METTL15: variants seen among roughly 807,000 people sequenced by gnomAD.
METTL15 encodes the protein 12S rRNA N(4)-cytidine methyltransferase METTL15.
METTL15 carries 34 observed loss-of-function variants against 38.3 expected under a neutral mutation model. That is an observed-to-expected ratio of 0.89 (90% CI 0.68 to 1.18). The LOEUF is 1.18. METTL15 is among the 50% of genes most tolerant of loss of function. METTL15 has a pLI of 0.00. For synonymous variants in METTL15, 162 were observed against 170.9 expected (o/e 0.95, Z 0.41); for missense variants, 438 against 498.4 (o/e 0.88, Z 1.15).
At chr11:28,148,791 C>T (rs913094261) in intron 3 of METTL15, among the ~76,000 whole-genome samples, 43 of 151,990 alleles carry the variant, frequency 2.8e-4, no homozygotes, top group African/African-American at 9.9e-4. Flanking sequence ...TAGTCATGGT[C>T]TATGCTTGTG....
intron 4 of METTL15, among the ~76,000 whole-genome samples, chr11:28,284,478 TGAA>T (rs1856176537): frequency 6.6e-6 from 1 of 152,136 alleles, no homozygotes; most frequent in South Asian, 2.1e-4. Context: ...TGCTGCAGTA[TGAA>T]GAAGATTTCT....
At chr11:28,353,735 C>A (rs911068223) in intron 4 of METTL15, among the ~76,000 whole-genome samples, 2 of 151,338 alleles carry the variant, frequency 1.3e-5, no homozygotes, top group African/African-American at 4.9e-5. Flanking sequence ...ACCATCCTGG[C>A]TAACAAGGTG....
At chr11:28,514,934 G>T (rs1851706910) in intron 6 of METTL15, among the ~76,000 whole-genome samples, 2 of 152,236 alleles carry the variant, frequency 1.3e-5, no homozygotes, top group African/African-American at 4.8e-5. Context: ...CAATGCATTT[G>T]TGAAGAGCAT....
At chr11:28,225,345 C>T (rs973919340) in intron 4 of METTL15, among the ~76,000 whole-genome samples, 1 of 151,864 alleles carries the variant, frequency 6.6e-6, no homozygotes, top group Non-Finnish European at 1.5e-5. Context: ...CAATTGATTA[C>T]GTCTTTAAGT....
intron 5 of METTL15, among the ~76,000 whole-genome samples, chr11:28,367,118 C>G (rs555186997): frequency 6.6e-6 from 1 of 151,708 alleles, no homozygotes; most frequent in African/African-American, 2.4e-5. Context: ...TTTCAGGGGG[C>G]TGCCTGAGCG....
At chr11:28,351,874 A>T (rs954317099) in intron 3 of METTL15, among the ~76,000 whole-genome samples, 23 of 152,192 alleles carry the variant, frequency 1.5e-4, no homozygotes. Flanking sequence ...CGTTTTATAA[A>T]CTTAGCTAGG....
At chr11:28,365,862 T>A (rs1303696422) in intron 5 of METTL15, among the ~76,000 whole-genome samples, 1 of 152,038 alleles carries the variant, frequency 6.6e-6, no homozygotes, top group Non-Finnish European at 1.5e-5. Flanking sequence ...CCTTCCTGGC[T>A]AACATGGTGA....
At chr11:28,345,478 C>T (rs1337032424) in intron 3 of METTL15, among the ~76,000 whole-genome samples, 3 of 152,168 alleles carry the variant, frequency 2.0e-5, no homozygotes, top group Non-Finnish European at 2.9e-5. Flanking sequence ...GTGTGATCCA[C>T]CGCACCTTGC....
intron 3 of METTL15, among the ~76,000 whole-genome samples, chr11:28,192,958 A>G (rs546277279): frequency 1.9e-4 from 29 of 152,080 alleles, no homozygotes; most frequent in Admixed American, 1.8e-3. Context: ...ATAATATTGC[A>G]TTATTCTTTT....
At chr11:28,248,654 A>G (rs1854611447) in intron 4 of METTL15, among the ~76,000 whole-genome samples, 1 of 152,078 alleles carries the variant, frequency 6.6e-6, no homozygotes, top group African/African-American at 2.4e-5. Context: ...TTGGCATTTT[A>G]TGGGTAGATA....
intron 6 of METTL15, among the ~76,000 whole-genome samples, chr11:28,485,727 A>G (rs896826907): frequency 5.9e-5 from 9 of 152,192 alleles, no homozygotes; most frequent in African/African-American, 1.9e-4. Flanking sequence ...TAACCATCTC[A>G]GGTTGCCATA....
At chr11:28,514,015 C>T (rs1180197369) in intron 6 of METTL15, among the ~76,000 whole-genome samples, 1 of 152,184 alleles carries the variant, frequency 6.6e-6, no homozygotes, top group African/African-American at 2.4e-5. Flanking sequence ...CAATGGGGAT[C>T]TTGGAGAAAC....
chr11:28,354,000 C>T (rs1850067967), intron 4 of METTL15, among the ~76,000 whole-genome samples: 1 of 149,028 alleles, frequency 6.7e-6, no homozygotes, highest in Admixed American at 6.7e-5. Context: ...TGATTAAAGA[C>T]AATGGCTGAG....
intron 6 of METTL15, among the ~76,000 whole-genome samples, chr11:28,497,142 G>A (rs1322382627): frequency 6.6e-6 from 1 of 152,218 alleles, no homozygotes; most frequent in Admixed American, 6.5e-5. Context: ...TCATGTTTCA[G>A]AGTTCAGAGA....
intron 4 of METTL15, among the ~76,000 whole-genome samples, chr11:28,212,373 T>C (rs1216994551): frequency 6.6e-6 from 1 of 152,164 alleles, no homozygotes; most frequent in Non-Finnish European, 1.5e-5. Context: ...TCTTCTGCAG[T>C]GTAACTTAGA....
At chr11:28,498,658 G>A (rs1851556241) in intron 6 of METTL15, among the ~76,000 whole-genome samples, 1 of 152,106 alleles carries the variant, frequency 6.6e-6, no homozygotes, top group Admixed American at 6.5e-5. Context: ...ATCCCTTTAT[G>A]TAAGCACTGC....
chr11:28,435,702 T>A (rs993535559), intron 6 of METTL15, among the ~76,000 whole-genome samples: 1 of 152,232 alleles, frequency 6.6e-6, no homozygotes, highest in Admixed American at 6.5e-5. Context: ...AAAAACATTG[T>A]GAATTCCTAT....
chr11:28,173,380 C>G (rs1206640484), intron 3 of METTL15, among the ~76,000 whole-genome samples: 1 of 152,132 alleles, frequency 6.6e-6, no homozygotes, highest in South Asian at 2.1e-4. Context: ...AGCAAGAAGG[C>G]ACCATCTGTG....
intron 5 of METTL15, among the ~76,000 whole-genome samples, chr11:28,376,504 T>C (rs1564911580): frequency 6.6e-6 from 1 of 152,196 alleles, no homozygotes; most frequent in Non-Finnish European, 1.5e-5. Context: ...CTTTTTTTGT[T>C]TTCCATTTGC....
Sources: allele counts gnomAD v4.1 joint callset (sites outside exome capture counted in the v4.1 genomes callset), GRCh38; gene constraint gnomAD v4.1.1; transcripts MANE v1.5; gene names NCBI Gene and HGNC (gene_info 2026-07-23, HGNC 2026-07-21).